The following DNAH11 variants were observed in gnomAD, a reference collection of about 807,000 sequenced individuals.
DNAH11 encodes the protein dynein axonemal heavy chain 11.
Under a neutral mutation model 526.0 loss-of-function variants are expected in DNAH11, and 442 were observed. The observed-to-expected ratio is 0.84, with a 90% CI of 0.78 to 0.91. DNAH11 has a LOEUF of 0.91. DNAH11 is among the 40% of genes least tolerant of loss of function. The pLI is 0.00. For synonymous variants in DNAH11, 2,461 were observed against 1,935.9 expected (o/e 1.27, Z -7.12); for missense variants, 6,989 against 5,448.7 (o/e 1.28, Z -8.90).
chr7:21,901,171 T>G lies in DNAH11; in HGVS notation c.13468T>G (p.Tyr4490Asp). 1.2e-6 allele frequency: 2 copies of G among 1,610,716 alleles called. No individual in the cohort carries two copies. The highest frequency in any genetic ancestry group is 1.7e-6 in the Non-Finnish European group (2 of 1,177,370). ...TAGAACCAAACTGAGAGGCCCCAGCTACATCTGGACCTTCAGGCTGAAGAG... is the reference window on the plus strand; with the variant it reads ...TAGAACCAAACTGAGAGGCCCCAGCGACATCTGGACCTTCAGGCTGAAGAG... ...VYRTKLRGPS[Y>D]IWTFRLKSEE... The change falls in exon 82 of 82, where the codon TAC (tyrosine) becomes GAC (aspartate). Residue 4490 changes from tyrosine to aspartate, a missense_variant. Coordinates refer to ENST00000409508, the MANE Select transcript of DNAH11 (RefSeq NM_001277115.2).
intron 61 of DNAH11, among the ~76,000 whole-genome samples, chr7:21,790,940 C>T (rs1788454742): frequency 6.6e-6 from 1 of 152,106 alleles, no homozygotes; most frequent in Admixed American, 6.5e-5. Context: ...AATGATACAA[C>T]CAAAGTGAAT....
rs1785918511 is a variant in DNAH11, at chr7:21,619,115, A to C, written c.4270A>C (p.Asn1424His). ...MKAIGVKFLI[N>H]EATTLADLLA... ...CCCCAATCAGGTCAAGTTTTTAATA[A>C]ATGAAGCCACAACTTTGGCAGATTT... The change falls in exon 24 of 82, where the codon AAT becomes CAT. Residue 1424 changes from asparagine to histidine, a missense_variant. By Grantham distance (68) the Asn-to-His change is moderately conservative (BLOSUM62 1). Transcript: ENST00000409508. 4 of 1,613,650 alleles carry C rather than the reference A, an allele frequency of 2.5e-6. No individual in the cohort carries two copies. Among genetic ancestry groups the C allele is most frequent in the Non-Finnish European group, 3.4e-6 (4 of 1,179,682 alleles).
chr7:21,600,201 G>C (rs111845935), intron 15 of DNAH11, 82 bp downstream of exon 15: 1 of 1,211,030 alleles, frequency 8.3e-7, no homozygotes, highest in Non-Finnish European at 1.1e-6. Context: ...AGCTCATGCT[G>C]GGAATCCCAG....
chr7:21,707,902 G>A, intron 40 of DNAH11, 67 bp downstream of exon 40: 1 of 1,483,634 alleles, frequency 6.7e-7, no homozygotes, highest in Non-Finnish European at 9.0e-7. Context: ...TTCAGTACAA[G>A]CCAATTTTAG....
intron 64 of DNAH11, among the ~76,000 whole-genome samples, 189 bp downstream of exon 64, chr7:21,816,891 C>T (rs535988937): frequency 9.2e-5 from 14 of 152,252 alleles, no homozygotes; most frequent in Non-Finnish European, 1.0e-4. Context: ...TGTTGGATGG[C>T]ACCCAATTAT....
At chr7:21,709,222 C>T (rs565622334) in intron 40 of DNAH11, among the ~76,000 whole-genome samples, 20 of 152,262 alleles carry the variant, frequency 1.3e-4, no homozygotes, top group African/African-American at 4.8e-4. Context: ...TACATATACA[C>T]CATGGAATAC....
At chr7:21,823,485 A>G (rs377579944) in intron 65 of DNAH11, among the ~76,000 whole-genome samples, 1 of 152,128 alleles carries the variant, frequency 6.6e-6, no homozygotes, top group Admixed American at 6.6e-5. Flanking sequence ...TATTTAGCCA[A>G]TAGCAGTTAA....
Position 21,702,817 on chromosome 7 carries a change from A to G in DNAH11, c.6273+15A>G, listed in dbSNP as rs184215723. The G allele has an allele frequency of 1.9e-6, 3 of 1,607,788 alleles. No homozygotes were observed. The East Asian group carries it at 6.7e-5, about 36-fold the overall frequency. On this transcript the variant is annotated intron_variant, in intron 37 of 81. Transcript: ENST00000409508. Reference sequence around the variant, plus strand: ...CCGAAGATCAGGTACTGCAATGCTAATATGATTTTGTTGAGTGAGTAGCTG... The same window carrying G: ...CCGAAGATCAGGTACTGCAATGCTAGTATGATTTTGTTGAGTGAGTAGCTG...
chr7:21,804,398 C>T (rs932239559), intron 62 of DNAH11, among the ~76,000 whole-genome samples: 3 of 152,180 alleles, frequency 2.0e-5, no homozygotes, highest in East Asian at 3.9e-4. Flanking sequence ...CATGAGCCAC[C>T]GTGCCCAGCC....
At chr7:21,809,149 T>C (rs1178447344) in intron 63 of DNAH11, among the ~76,000 whole-genome samples, 1 of 152,268 alleles carries the variant, frequency 6.6e-6, no homozygotes, top group Non-Finnish European at 1.5e-5. Flanking sequence ...TGAGCATTTT[T>C]TCATGTTACC....
chr7:21,735,696 G>T lies in DNAH11; in HGVS notation c.7497G>T (p.Leu2499Phe). Residue 2499 changes from leucine to phenylalanine, a missense_variant, in exon 46 of 82, where the codon TTG becomes TTT. By Grantham distance (22) the Leu-to-Phe change is conservative. Transcript: ENST00000409508. ...TARLRYFMEL[L>F]LEKGKPLMLV... ...GTCTTAGATATTTCATGGAGTTGTT[G>T]CTTGAGAAAGGAAAACCTCTAATGC... 1 of 1,613,282 alleles carries T rather than the reference G, an allele frequency of 6.2e-7. No individual in the cohort carries two copies. The highest frequency in any genetic ancestry group is 8.5e-7 in the Non-Finnish European group (1 of 1,179,528).
chr7:21,620,887 C>A, intron 25 of DNAH11, among the ~76,000 whole-genome samples: 1 of 151,966 alleles, frequency 6.6e-6, no homozygotes, highest in Non-Finnish European at 1.5e-5. Flanking sequence ...CTACAAAGGA[C>A]ATGAACTCAT....
chr7:21,694,486 G>A (rs1458292102), intron 35 of DNAH11, among the ~76,000 whole-genome samples: 1 of 152,178 alleles, frequency 6.6e-6, no homozygotes, highest in Non-Finnish European at 1.5e-5. Flanking sequence ...TGCTGAGAAT[G>A]ATGGTTTCCA....
chr7:21,545,194 G>C (rs780806131), intron 2 of DNAH11, 45 bp downstream of exon 2: 2 of 1,393,656 alleles, frequency 1.4e-6, no homozygotes, highest in Non-Finnish European at 1.9e-6. Context: ...TTATCTCCAT[G>C]ACATTTGAAA....
chr7:21,814,572 G>C (rs1215294418), intron 63 of DNAH11, among the ~76,000 whole-genome samples: 1 of 135,460 alleles, frequency 7.4e-6, no homozygotes, highest in African/African-American at 2.8e-5. Context: ...GTGTCCATGT[G>C]ATCTCCTTGT....
chr7:21,610,602 A>C (rs1015564256), intron 20 of DNAH11, among the ~76,000 whole-genome samples: 1 of 152,190 alleles, frequency 6.6e-6, no homozygotes, highest in Non-Finnish European at 1.5e-5. Flanking sequence ...AGGAAATAAA[A>C]GATAATATTG....
At position 21,869,003 on chromosome 7, in the gene DNAH11, G is replaced by C; in HGVS notation, c.11967+12G>C. 1 of 1,613,756 alleles carries C rather than the reference G, an allele frequency of 6.2e-7. No homozygotes were observed. Among genetic ancestry groups the C allele is most frequent in the African/African-American group, 1.3e-5 (1 of 75,060 alleles). ...GGGTCATCCTCCAAGTGAGTATTAA[G>C]TTTCAGGGAAGACACTGGGCATAAA... On this transcript the variant is annotated intron_variant, in intron 73 of 81. Coordinates refer to ENST00000409508, the MANE Select transcript of DNAH11 (RefSeq NM_001277115.2).
chr7:21,594,063 T>TACATAC (rs1554317061), intron 14 of DNAH11, among the ~76,000 whole-genome samples: 2 of 137,522 alleles, frequency 1.5e-5, no homozygotes, highest in African/African-American at 2.7e-5. Flanking sequence ...CATACACACA[T>TACATAC]ACACACACAC....
At chr7:21,828,315 A>G (rs1174924515) in intron 65 of DNAH11, among the ~76,000 whole-genome samples, 1 of 152,172 alleles carries the variant, frequency 6.6e-6, no homozygotes, top group Non-Finnish European at 1.5e-5. Flanking sequence ...TGCTGGTAAG[A>G]ATAGATTTAT....
Sources: allele counts gnomAD v4.1 joint callset (sites outside exome capture counted in the v4.1 genomes callset), GRCh38; gene constraint gnomAD v4.1.1; transcripts MANE v1.5; gene names NCBI Gene and HGNC (gene_info 2026-07-23, HGNC 2026-07-21).